Variants in RANBP17 observed in about 807,000 individuals in gnomAD.
RANBP17 encodes the protein RAN binding protein 17.
In RANBP17, 158 loss-of-function variants were observed where a neutral mutation model predicts 141.2. That is an observed-to-expected ratio of 1.12 (90% confidence interval 0.98 to 1.28). RANBP17 has a LOEUF of 1.28. RANBP17 is among the 50% of genes most tolerant of loss of function. The pLI is 0.00. For synonymous variants in RANBP17, 430 were observed against 450.0 expected, an observed-to-expected ratio of 0.96 and a Z score of 0.56; for missense variants, 1,438 against 1,290.7, an observed-to-expected ratio of 1.11 and a Z score of -1.75.
At chr5:171,136,740 G>A (rs1208686452) in intron 14 of RANBP17, among the ~76,000 whole-genome samples, 2 of 152,220 alleles carry the variant, frequency 1.3e-5, no homozygotes, top group East Asian at 3.9e-4. Context: ...GTCTTTTCTA[G>A]CTCACTCTGC....
rs144110116 is a variant in RANBP17 at position 171,192,363 on chromosome 5, T to G, written c.2039-7307T>G. On this transcript the variant is annotated intron_variant, in intron 18 of 27. Coordinates refer to ENST00000523189, the MANE Select transcript of RANBP17 (RefSeq NM_022897.5). ...TAAGTCCAGATCCAGTTTTAATAAC[T>G]TACCTGGTTTTGAGGCTAGACAGTC... Among the ~76,000 whole-genome samples the G allele has an allele frequency of 2.6e-5, 4 of 152,308 alleles. 1 individual carries two copies. The highest frequency in any genetic ancestry group is 9.6e-5 in the African/African-American group (4 of 41,574).
At chr5:171,183,731 C>T (rs887926349) in intron 18 of RANBP17, among the ~76,000 whole-genome samples, 61 of 152,182 alleles carry the variant, frequency 4.0e-4, no homozygotes, top group African/African-American at 1.4e-3. Flanking sequence ...TAGGAATAAT[C>T]TTAAACAGAG....
intron 14 of RANBP17, among the ~76,000 whole-genome samples, chr5:170,988,893 A>G (rs1453504694): frequency 2.0e-5 from 3 of 151,908 alleles, no homozygotes; most frequent in African/African-American, 4.8e-5. Context: ...CAATGCACCT[A>G]TAGTCCTAGC....
chr5:170,935,791 A>G (rs189850648), intron 12 of RANBP17, among the ~76,000 whole-genome samples: 16 of 152,224 alleles, frequency 1.1e-4, no homozygotes, highest in Non-Finnish European at 1.6e-4. Context: ...CTCACACTCC[A>G]TGCTGGGAGA....
intron 23 of RANBP17, among the ~76,000 whole-genome samples, chr5:171,241,814 A>G (rs1764897520): frequency 2.0e-5 from 3 of 152,274 alleles, no homozygotes; most frequent in South Asian, 4.2e-4. Flanking sequence ...TTGAAGGTGC[A>G]TAAGACTCTC....
chr5:170,919,466 T>C lies in RANBP17; in HGVS notation c.1127T>C (p.Val376Ala), dbSNP rs1479517541. ...LQHWEFAPNS[V>A]HYLLTLWQRM... Reference sequence around the variant, plus strand: ...CACTGGGAATTTGCTCCTAACAGTGTTCATTATTTATTAACTCTGTGGCAA... The same window carrying C: ...CACTGGGAATTTGCTCCTAACAGTGCTCATTATTTATTAACTCTGTGGCAA... Residue 376 changes from valine to alanine, a missense_variant, in exon 11 of 28, where the codon GTT (valine) becomes GCT (alanine). By Grantham distance (64) the Val-to-Ala change is moderately conservative. Transcript: ENST00000523189. 2 of 1,603,328 alleles carry C rather than the reference T, an allele frequency of 1.2e-6. No individual in the cohort carries two copies. Among genetic ancestry groups the C allele is most frequent in the South Asian group, 2.3e-5 (2 of 88,634 alleles).
chr5:171,057,718 A>G (rs1277067305), intron 14 of RANBP17, among the ~76,000 whole-genome samples: 1 of 152,168 alleles, frequency 6.6e-6, no homozygotes, highest in Non-Finnish European at 1.5e-5. Flanking sequence ...ACTTACAGTC[A>G]TAGCAGAAAG....
intron 14 of RANBP17, among the ~76,000 whole-genome samples, chr5:171,159,589 A>C (rs1275447318): frequency 6.6e-6 from 1 of 152,142 alleles, no homozygotes; most frequent in African/African-American, 2.4e-5. Flanking sequence ...AACTAATGAT[A>C]GTGTTCTGGA....
At chr5:170,957,105 A>G (rs374934552) in intron 13 of RANBP17, among the ~76,000 whole-genome samples, 2 of 150,574 alleles carry the variant, frequency 1.3e-5, no homozygotes, top group African/African-American at 4.9e-5. Flanking sequence ...ACACACACAC[A>G]CACGCGCACA....
At chr5:171,052,554 G>T (rs539065102) in intron 14 of RANBP17, among the ~76,000 whole-genome samples, 1 of 152,188 alleles carries the variant, frequency 6.6e-6, no homozygotes, top group South Asian at 2.1e-4. Flanking sequence ...TTTACTTCTG[G>T]ATTCTCAATT....
chr5:171,007,495 T>C (rs1779729749), intron 14 of RANBP17, among the ~76,000 whole-genome samples: 1 of 151,638 alleles, frequency 6.6e-6, no homozygotes, highest in Non-Finnish European at 1.5e-5. Context: ...GATGGGTCAG[T>C]AGAAAAGGAA....
intron 12 of RANBP17, among the ~76,000 whole-genome samples, chr5:170,930,760 A>G (rs1355243928): frequency 6.6e-6 from 1 of 152,126 alleles, no homozygotes; most frequent in Non-Finnish European, 1.5e-5. Context: ...TTATGGCTGC[A>G]TAGTATTCCA....
chr5:170,916,724 T>C (rs1164895112), intron 9 of RANBP17, 140 bp downstream of exon 9: 3 of 535,946 alleles, frequency 5.6e-6, no homozygotes, highest in Non-Finnish European at 8.9e-6. Context: ...GAGCTTTTTT[T>C]TTTTTTTTTG....
At chr5:171,274,510 T>C (rs1213543518) in intron 25 of RANBP17, among the ~76,000 whole-genome samples, 1 of 152,228 alleles carries the variant, frequency 6.6e-6, no homozygotes, top group East Asian at 1.9e-4. Flanking sequence ...TGAATGACTA[T>C]TTCAATGGTA....
chr5:171,236,836 G>A (rs1177846054), intron 22 of RANBP17, among the ~76,000 whole-genome samples: 1 of 152,140 alleles, frequency 6.6e-6, no homozygotes, highest in Non-Finnish European at 1.5e-5. Context: ...AGATAGTAAG[G>A]AAAGATCTAG....
At chr5:171,009,343 T>G (rs1274796371) in intron 14 of RANBP17, among the ~76,000 whole-genome samples, 1 of 152,204 alleles carries the variant, frequency 6.6e-6, no homozygotes, top group African/African-American at 2.4e-5. Context: ...TCATAGCTAT[T>G]AACATTGCTT....
At position 171,116,681 on chromosome 5, in the gene RANBP17, T is replaced by C. The variant is rs561158101; in HGVS notation, c.1711-53449T>C. On this transcript the variant is annotated intron_variant, in intron 14 of 27. Coordinates refer to ENST00000523189, the MANE Select transcript of RANBP17 (RefSeq NM_022897.5). ...TTTATCATTTCTTGGTAATATACAATATCTTCTATTTAAAATTGTATAATA... is the reference window on the plus strand; with the variant it reads ...TTTATCATTTCTTGGTAATATACAACATCTTCTATTTAAAATTGTATAATA... Among the ~76,000 whole-genome samples, 14 of 152,314 alleles carry C rather than the reference T, an allele frequency of 9.2e-5. No homozygotes were observed. The East Asian group carries it at 2.7e-3, about 29-fold the overall frequency.
At chr5:171,104,795 C>T (rs371029222) in intron 14 of RANBP17, among the ~76,000 whole-genome samples, 1 of 152,092 alleles carries the variant, frequency 6.6e-6, no homozygotes, top group Non-Finnish European at 1.5e-5. Context: ...ATGCTTAGCT[C>T]AATAACTCGC....
chr5:171,012,486 A>G (rs924198383), intron 14 of RANBP17, among the ~76,000 whole-genome samples: 1 of 152,114 alleles, frequency 6.6e-6, no homozygotes, highest in Non-Finnish European at 1.5e-5. Flanking sequence ...TAGTTATTGT[A>G]CATTTCCTAG....
Sources: allele counts gnomAD v4.1 joint callset (sites outside exome capture counted in the v4.1 genomes callset), GRCh38; gene constraint gnomAD v4.1.1; transcripts MANE v1.5; gene names NCBI Gene and HGNC (gene_info 2026-07-23, HGNC 2026-07-21).